MKX: variants seen among roughly 807,000 people sequenced by gnomAD.
MKX encodes homeobox protein Mohawk.
MKX carries 13 observed loss-of-function variants against 36.0 expected under a neutral mutation model. The ratio of observed to expected loss-of-function variants is 0.36; its 90% confidence interval spans 0.24 to 0.57. The LOEUF is 0.57. Among genes scored for constraint, MKX ranks in the 20% least tolerant of loss-of-function variants. The pLI is 0.79. For missense variants in MKX, 458 were observed against 456.4 expected (o/e 1.00, Z -0.03); for synonymous variants, 176 against 178.3 (o/e 0.99, Z 0.10).
intron 5 of MKX, among the ~76,000 whole-genome samples, chr10:27,719,622 G>GA (rs946783393): frequency 1.3e-5 from 2 of 151,446 alleles, no homozygotes; most frequent in African/African-American, 4.8e-5. Context: ...GTAGTGATAA[G>GA]AAAAAAAAGA....
chr10:27,717,808 G>T (rs761064954), intron 5 of MKX, among the ~76,000 whole-genome samples: 1 of 152,200 alleles, frequency 6.6e-6, no homozygotes, highest in Non-Finnish European at 1.5e-5. Context: ...CACCTTAAAG[G>T]ATGAACCAGA....
chr10:27,677,430 C>T (rs4405204), intron 5 of MKX, among the ~76,000 whole-genome samples: 20,274 of 152,116 alleles, frequency 0.13, 2,492 homozygotes, highest in East Asian at 0.66. Context: ...TAGAAGAGGT[C>T]TGAGAAGAAT....
At position 27,715,439 on chromosome 10, in the gene MKX, C is replaced by T. The variant is rs1836946483; in HGVS notation, c.838+19017G>A. On this transcript the variant is annotated intron_variant, in intron 5 of 6. Transcript: ENST00000419761. The stretch of plus-strand genomic sequence containing the variant: ...ATAAATTTTAGACTGAAAGTTGTTA[C>T]TGAAGATGAGGGTGCTACGTGGCTG... Among the ~76,000 whole-genome samples, 3 of 152,176 alleles carry T rather than the reference C, an allele frequency of 2.0e-5. No individual in the cohort carries two copies. In the South Asian group the frequency reaches 6.2e-4, roughly 32 times the overall value.
At chr10:27,686,373 AAAGGG>A (rs144180436) in intron 5 of MKX, among the ~76,000 whole-genome samples, 1,419 of 137,750 alleles carry the variant, frequency 0.01, 35 homozygotes, top group African/African-American at 0.034. Flanking sequence ...AGAAAGAAAG[AAAGGG>A]AAGGGAAGGG....
intron 5 of MKX, among the ~76,000 whole-genome samples, chr10:27,729,423 C>T (rs1272296426): frequency 6.6e-6 from 1 of 151,398 alleles, no homozygotes; most frequent in African/African-American, 2.4e-5. Context: ...CCCTGCCTCT[C>T]TCCCCGTAGT....
chr10:27,679,899 C>A (rs1227982344), intron 5 of MKX, among the ~76,000 whole-genome samples: 1 of 151,942 alleles, frequency 6.6e-6, no homozygotes, highest in Non-Finnish European at 1.5e-5. Flanking sequence ...TGTGTCTTTG[C>A]AGCTCATGGT....
chr10:27,711,506 CCTTCCT>C (rs1836869509), intron 5 of MKX, among the ~76,000 whole-genome samples: 361 of 20,844 alleles, frequency 0.017, 5 homozygotes, highest in African/African-American at 0.033. Flanking sequence ...TTCTTTCCTT[CCTTCCT>C]TCCTTCCTTC....
Position 27,734,645 on chromosome 10 carries a change from T to TG in MKX, c.648dup (p.Lys217GlnfsTer12). 2 of 1,614,180 alleles carry TG rather than the reference T, an allele frequency of 1.2e-6. No individual in the cohort carries two copies. The highest frequency in any genetic ancestry group is 1.7e-6 in the Non-Finnish European group (2 of 1,180,016). ...CGGTTCAACAAGCTGCTCTTGTATT[T>TG]GGGGGGTGCCACGTAGTCCTCACTG... On this transcript the variant is annotated frameshift_variant, in exon 5 of 7. Coordinates refer to ENST00000419761, the MANE Select transcript of MKX (RefSeq NM_173576.3). LOFTEE classifies it high-confidence loss of function.
At chr10:27,675,475 G>A (rs754567004) in intron 6 of MKX, 46 bp downstream of exon 6, 15 of 1,613,894 alleles carry the variant, frequency 9.3e-6, no homozygotes, top group Admixed American at 5.0e-5. Flanking sequence ...CATTGAAAAT[G>A]CCATCGCTGA....
chr10:27,722,611 C>T (rs1834404055), intron 5 of MKX, among the ~76,000 whole-genome samples: 1 of 152,200 alleles, frequency 6.6e-6, no homozygotes, highest in Non-Finnish European at 1.5e-5. Context: ...TCTGCTCTGT[C>T]CACATTATAG....
In MKX at chr10:27,675,080, A is replaced by T; in HGVS notation, c.*149T>A. The T allele has an allele frequency of 1.6e-6, 1 of 625,056 alleles. No homozygotes were observed. Among genetic ancestry groups the T allele is most frequent in the Non-Finnish European group, 2.6e-6 (1 of 388,838 alleles). The allele number at this position is 625,056 out of a possible 1,614,324, so 38.7% of individuals were successfully genotyped here. Reference sequence around the variant, plus strand: ...GTTTTTTATAATTTATATGTCTTTTATAGAAGCAACTAAATGATATATTTG... The same window carrying T: ...GTTTTTTATAATTTATATGTCTTTTTTAGAAGCAACTAAATGATATATTTG... On this transcript the variant is annotated 3_prime_UTR_variant, in exon 7 of 7. Coordinates refer to ENST00000419761, the MANE Select transcript of MKX (RefSeq NM_173576.3).
intron 4 of MKX, 76 bp from the exon 5 acceptor site, chr10:27,734,867 T>C (rs1159590120): frequency 7.2e-6 from 6 of 831,918 alleles, no homozygotes; most frequent in Non-Finnish European, 8.7e-6. Flanking sequence ...TATTTAATCC[T>C]TAAAAATATA....
intron 5 of MKX, among the ~76,000 whole-genome samples, chr10:27,728,499 G>T (rs1302831203): frequency 6.6e-6 from 1 of 152,188 alleles, no homozygotes; most frequent in Non-Finnish European, 1.5e-5. Flanking sequence ...CAAACACAGG[G>T]CTCCAGTGAG....
At chr10:27,686,863 T>C (rs1589656428) in intron 5 of MKX, among the ~76,000 whole-genome samples, 1 of 152,132 alleles carries the variant, frequency 6.6e-6, no homozygotes, top group East Asian at 1.9e-4. Flanking sequence ...CTGCCACCCC[T>C]CATGTGGGCT....
At chr10:27,713,701 G>A (rs1836912428) in intron 5 of MKX, among the ~76,000 whole-genome samples, 1 of 152,064 alleles carries the variant, frequency 6.6e-6, no homozygotes, top group South Asian at 2.1e-4. Context: ...AGTACACAGT[G>A]CAACACAATA....
intron 5 of MKX, among the ~76,000 whole-genome samples, chr10:27,714,015 A>AAAAAT (rs1356670956): frequency 2.0e-5 from 3 of 150,818 alleles, no homozygotes; most frequent in African/African-American, 7.3e-5. Flanking sequence ...AGACCAAAAA[A>AAAAAT]AAAAAAAAAA....
chr10:27,731,993 T>G (rs1225118684), intron 5 of MKX, among the ~76,000 whole-genome samples: 1 of 7,886 alleles, frequency 1.3e-4, no homozygotes, highest in Non-Finnish European at 1.9e-3. Context: ...TATTTGTCAT[T>G]TTTTTTTATT....
intron 5 of MKX, among the ~76,000 whole-genome samples, chr10:27,676,813 C>G (rs1406597791): frequency 1.3e-5 from 2 of 152,160 alleles, no homozygotes; most frequent in Non-Finnish European, 2.9e-5. Context: ...CATTGGTCCT[C>G]AATTTCCAAA....
At chr10:27,739,826 A>AAATTAGTGT (rs1230160538) in intron 3 of MKX, among the ~76,000 whole-genome samples, 2 of 152,178 alleles carry the variant, frequency 1.3e-5, no homozygotes, top group African/African-American at 4.8e-5. Context: ...ATAACTCTAT[A>AAATTAGTGT]AATTAGTGTA....
Sources: allele counts gnomAD v4.1 joint callset (sites outside exome capture counted in the v4.1 genomes callset), GRCh38; gene constraint gnomAD v4.1.1; transcripts MANE v1.5; gene names NCBI Gene and HGNC (gene_info 2026-07-23, HGNC 2026-07-21).